Variants in AK8 observed in about 807,000 individuals in gnomAD.
The protein encoded by AK8 is adenylate kinase 8.
Under a neutral mutation model 54.6 loss-of-function variants are expected in AK8, and 44 were observed. The observed-to-expected ratio is 0.81, with a 90% CI of 0.63 to 1.04. AK8 has a LOEUF of 1.04. Among genes scored for constraint, AK8 ranks in the 50% least tolerant of loss-of-function variants. AK8 has a pLI of 0.00. For missense variants in AK8, 555 were observed against 613.6 expected (o/e 0.90, Z 1.01); for synonymous variants, 239 against 245.6 (o/e 0.97, Z 0.25).
At chr9:132,855,726 C>T (rs1024655196) in intron 4 of AK8, among the ~76,000 whole-genome samples, 8 of 152,176 alleles carry the variant, frequency 5.3e-5, no homozygotes, top group Non-Finnish European at 1.2e-4. Context: ...TTGTTGAGCA[C>T]GTGCTATGTG....
chr9:132,774,167 C>A (rs1245619378), intron 11 of AK8, among the ~76,000 whole-genome samples: 8 of 152,018 alleles, frequency 5.3e-5, no homozygotes, highest in Admixed American at 5.2e-4. Flanking sequence ...TGAGACAGGC[C>A]CAGGAGAGAA....
At chr9:132,753,073 C>T (rs1412135535) in intron 11 of AK8, among the ~76,000 whole-genome samples, 1 of 152,208 alleles carries the variant, frequency 6.6e-6, no homozygotes, top group Admixed American at 6.5e-5. Flanking sequence ...TCCCTTACTA[C>T]TAGGAATAGC....
At chr9:132,765,292 CAAAAAAAAAAA>C (rs61495439) in intron 11 of AK8, among the ~76,000 whole-genome samples, 1,191 of 62,834 alleles carry the variant, frequency 0.019, 22 homozygotes, top group Non-Finnish European at 0.025. Context: ...GACTCCATTT[CAAAAAAAAAAA>C]AAAAAAAAAA....
intron 11 of AK8, among the ~76,000 whole-genome samples, chr9:132,743,139 A>T (rs935302472): frequency 6.6e-6 from 1 of 152,212 alleles, no homozygotes; most frequent in Non-Finnish European, 1.5e-5. Flanking sequence ...AGTCAATGTC[A>T]TCTTTCTCCA....
Position 132,878,005 on chromosome 9 carries a change from AG to A in AK8, c.84+166del. On this transcript the variant is annotated intron_variant, in intron 1 of 12. Transcript: ENST00000298545. This position sits in a 1 kb window ranked among gnomAD's most constrained non-coding sequence, Gnocchi z 4.7. ...CAGGACCAGGAGCGTCCCCAGCTCG[AG>A]GGCCCCCTCGGGGTCACGGCGACAC... is the stretch of plus-strand genomic sequence containing the variant. 1 of 1,508,522 alleles carries A rather than the reference AG, an allele frequency of 6.6e-7. No individual in the cohort carries two copies. Among genetic ancestry groups the A allele is most frequent in the Non-Finnish European group, 9.0e-7 (1 of 1,115,414 alleles). 93.4% of individuals were successfully genotyped at this position (1,508,522 alleles called of 1,614,324 possible). A position where few individuals can be genotyped will look rare whatever the true frequency, so the allele number is the denominator to read the frequency against.
chr9:132,830,425 G>T (rs1227960512), intron 5 of AK8, among the ~76,000 whole-genome samples: 5 of 152,162 alleles, frequency 3.3e-5, no homozygotes, highest in African/African-American at 1.2e-4. Flanking sequence ...CTCTGCCAAT[G>T]TTGGGCATTA....
intron 9 of AK8, among the ~76,000 whole-genome samples, chr9:132,822,324 T>C (rs971961423): frequency 6.7e-6 from 1 of 149,298 alleles, no homozygotes; most frequent in Non-Finnish European, 1.5e-5. Context: ...TGTGTATGTA[T>C]ATACAAATAT....
chr9:132,755,425 G>A (rs767099668), intron 11 of AK8, among the ~76,000 whole-genome samples: 1 of 152,134 alleles, frequency 6.6e-6, no homozygotes, highest in Admixed American at 6.6e-5. Context: ...CAAAGAATGC[G>A]CTCACTGTGA....
chr9:132,814,206 G>A (rs1040593580), intron 10 of AK8, among the ~76,000 whole-genome samples: 7 of 144,936 alleles, frequency 4.8e-5, no homozygotes, highest in Non-Finnish European at 1.1e-4. Context: ...CTGAGCCCAG[G>A]AGGTTGAGGC....
intron 11 of AK8, among the ~76,000 whole-genome samples, chr9:132,765,313 A>AAG (rs1838679823): frequency 6.6e-6 from 1 of 150,840 alleles, no homozygotes; most frequent in African/African-American, 2.4e-5. Flanking sequence ...AAAAAAAAAA[A>AAG]AGAGAATTCA....
intron 11 of AK8, among the ~76,000 whole-genome samples, chr9:132,756,947 C>T (rs1719213137): frequency 6.7e-6 from 1 of 148,266 alleles, no homozygotes; most frequent in Non-Finnish European, 1.5e-5. Context: ...AAAGCCATTT[C>T]CCCCCCAAAT....
intron 11 of AK8, chr9:132,768,967 A>AGTC (rs1838838697): frequency 6.6e-6 from 1 of 152,202 alleles, no homozygotes; most frequent in African/African-American, 2.4e-5. Flanking sequence ...AGGCTTCCTT[A>AGTC]ATTGGTCCAA....
At position 132,875,137 on chromosome 9, in the gene AK8, G is replaced by C. The variant is rs1319007393; in HGVS notation, c.147C>G (p.His49Gln). The change falls in exon 2 of 13, where the codon CAC (histidine) becomes CAG (glutamine). Residue 49 changes from histidine (H) to glutamine (Q), a missense_variant. Physicochemically the swap from His to Gln is conservative, Grantham distance 24. Transcript: ENST00000298545. ...PEDPIPFMIQ[H>Q]LHRDNDNVPR... Reference sequence around the variant, plus strand: ...CACCATTGTCGTTGTCTCTATGCAAGTGCTGGATCATGAAGGGGATGGGAT... The same window carrying C: ...CACCATTGTCGTTGTCTCTATGCAACTGCTGGATCATGAAGGGGATGGGAT... 3 of 1,614,204 alleles carry C rather than the reference G, an allele frequency of 1.9e-6. No individual in the cohort carries two copies. The highest frequency in any genetic ancestry group is 2.5e-6 in the Non-Finnish European group (3 of 1,180,022).
intron 10 of AK8, among the ~76,000 whole-genome samples, chr9:132,809,104 C>G (rs1298323907): frequency 6.6e-6 from 1 of 152,178 alleles, no homozygotes; most frequent in Non-Finnish European, 1.5e-5. Context: ...ATGAAAACTC[C>G]TAACAGGCAG....
chr9:132,747,178 G>A (rs1476805917), intron 11 of AK8, among the ~76,000 whole-genome samples: 2 of 152,248 alleles, frequency 1.3e-5, no homozygotes, highest in East Asian at 1.9e-4. Flanking sequence ...GTCTCGCTCT[G>A]TTGCCAGGCT....
At chr9:132,870,743 C>T (rs1307044330) in intron 2 of AK8, among the ~76,000 whole-genome samples, 1 of 152,186 alleles carries the variant, frequency 6.6e-6, no homozygotes, top group Non-Finnish European at 1.5e-5. Flanking sequence ...GCAGTTAACC[C>T]CAGGCCCAGT....
intron 11 of AK8, among the ~76,000 whole-genome samples, chr9:132,775,289 T>C (rs780743914): frequency 2.0e-5 from 3 of 151,826 alleles, no homozygotes; most frequent in Non-Finnish European, 4.4e-5. Flanking sequence ...TTTGTGTCTG[T>C]TTATTTTATT....
chr9:132,760,460 ACT>A (rs1404781616), intron 11 of AK8, among the ~76,000 whole-genome samples: 2 of 151,864 alleles, frequency 1.3e-5, no homozygotes, highest in East Asian at 1.9e-4. Flanking sequence ...ACCTTGCTAA[ACT>A]CTCACTAAAA....
At chr9:132,865,718 CAGA>C (rs1250547761) in intron 3 of AK8, among the ~76,000 whole-genome samples, 7 of 151,930 alleles carry the variant, frequency 4.6e-5, no homozygotes. Flanking sequence ...GAGGCTGAGG[CAGA>C]AGAATTGCTT....
Sources: allele counts gnomAD v4.1 joint callset (sites outside exome capture counted in the v4.1 genomes callset), GRCh38; gene constraint gnomAD v4.1.1; non-coding constraint Gnocchi (gnomAD v3.1); transcripts MANE v1.5; gene names NCBI Gene and HGNC (gene_info 2026-07-23, HGNC 2026-07-21).